The following ACADM variants were observed in gnomAD, a reference collection of about 807,000 sequenced individuals.
The protein encoded by ACADM is medium-chain specific acyl-CoA dehydrogenase, mitochondrial.
Under a neutral mutation model 58.9 loss-of-function variants are expected in ACADM, and 49 were observed. The observed-to-expected ratio is 0.83, with a 90% CI of 0.66 to 1.06. The LOEUF (loss-of-function observed/expected upper bound fraction) is 1.06. Among genes scored for constraint, ACADM ranks in the 50% least tolerant of loss-of-function variants. The pLI is 0.00. For synonymous variants in ACADM, 160 were observed against 157.7 expected (o/e 1.01, Z -0.11); for missense variants, 496 against 507.0 (o/e 0.98, Z 0.21).
At chr1:75,732,205 G>A (rs1011044923) in intron 2 of ACADM, among the ~76,000 whole-genome samples, 6 of 151,832 alleles carry the variant, frequency 4.0e-5, no homozygotes, top group African/African-American at 1.5e-4. Flanking sequence ...TTTGAAATAA[G>A]TTTTATTGCT....
chr1:75,731,260 CAG>C (rs1647144088), intron 2 of ACADM, among the ~76,000 whole-genome samples: 1 of 109,820 alleles, frequency 9.1e-6, no homozygotes, highest in Non-Finnish European at 1.7e-5. Context: ...GTCTGGGCGA[CAG>C]AGCGAGACTC....
At chr1:75,727,585 A>G (rs1647075728) in intron 1 of ACADM, among the ~76,000 whole-genome samples, 1 of 141,874 alleles carries the variant, frequency 7.0e-6, no homozygotes, top group Non-Finnish European at 1.6e-5. Flanking sequence ...AAACAATAAT[A>G]TATGTATATT....
intron 2 of ACADM, among the ~76,000 whole-genome samples, chr1:75,729,292 TTTC>T (rs1647106408): frequency 1.9e-5 from 2 of 106,660 alleles, no homozygotes; most frequent in Admixed American, 1.0e-4. Flanking sequence ...TTCTTTCTTT[TTTC>T]TTTTTTTTTT....
In ACADM at chr1:75,726,800, C is replaced by CTTT. The variant is rs748703972; in HGVS notation, c.31-1581_31-1579dup. Among the ~76,000 whole-genome samples the CTTT allele has an allele frequency of 1.1e-3, 128 of 119,834 alleles. 1 individual carries two copies. Among genetic ancestry groups the CTTT allele is most frequent in the African/African-American group, 3.4e-3 (106 of 31,506 alleles). 78.6% of individuals were successfully genotyped at this position (119,834 alleles called of 152,430 possible). On this transcript the variant is annotated intron_variant, in intron 1 of 11. Transcript: ENST00000370841. Reference sequence around the variant, plus strand: ...AATAAGCACCAGAGAAACTGTTTCACTTTTTTTTTTTTTTTTTTTTTTGAG... The same window carrying CTTT: ...AATAAGCACCAGAGAAACTGTTTCACTTTTTTTTTTTTTTTTTTTTTTTTTGAG...
At chr1:75,760,149 G>A (rs909746629) in intron 10 of ACADM, among the ~76,000 whole-genome samples, 14 of 151,092 alleles carry the variant, frequency 9.3e-5, no homozygotes, top group Non-Finnish European at 1.8e-4. Flanking sequence ...GGCCGAGTGC[G>A]GTGGCTCACA....
intron 7 of ACADM, chr1:75,743,416 T>G: frequency 4.3e-6 from 7 of 1,609,574 alleles, no homozygotes; most frequent in Non-Finnish European, 4.2e-6. Flanking sequence ...TGTGGGTTCC[T>G]CCTAAAGATC....
intron 10 of ACADM, among the ~76,000 whole-genome samples, chr1:75,753,112 C>CT (rs1200827731): frequency 1.3e-5 from 2 of 152,064 alleles, no homozygotes; most frequent in Admixed American, 6.6e-5. Flanking sequence ...TTTTCTTGTT[C>CT]TTTTTTTAAC....
intron 8 of ACADM, among the ~76,000 whole-genome samples, chr1:75,746,233 C>T (rs1647892569): frequency 6.6e-6 from 1 of 152,176 alleles, no homozygotes; most frequent in Admixed American, 6.5e-5. Flanking sequence ...GGGACTTTCC[C>T]ACTCTTTTCC....
chr1:75,749,708 CTTTCTTT>C, intron 9 of ACADM, 149 bp downstream of exon 9: 7 of 466,656 alleles, frequency 1.5e-5, no homozygotes, highest in Admixed American at 8.7e-5. Flanking sequence ...TGTTACTTTT[CTTTCTTT>C]TTTTTTTTTT....
intron 5 of ACADM, among the ~76,000 whole-genome samples, chr1:75,734,113 G>A (rs1250647015): frequency 1.3e-5 from 2 of 151,290 alleles, no homozygotes; most frequent in African/African-American, 4.9e-5. Context: ...AGCCTCCTGA[G>A]TAGCTGGGAT....
At chr1:75,741,124 G>C (rs897578403) in intron 7 of ACADM, among the ~76,000 whole-genome samples, 2 of 152,174 alleles carry the variant, frequency 1.3e-5, no homozygotes, top group Non-Finnish European at 2.9e-5. Flanking sequence ...CAAGTATATA[G>C]AGAGTTTCTA....
chr1:75,750,332 G>GT lies in ACADM; in HGVS notation c.850-116dup. The GT allele has an allele frequency of 4.8e-6, 4 of 835,378 alleles. No homozygotes were observed. The South Asian group carries it at 5.9e-5, about 12-fold the overall frequency. 51.7% of individuals were successfully genotyped at this position (835,378 alleles called of 1,614,324 possible). A position where few individuals can be genotyped will look rare whatever the true frequency, so the allele number is the denominator to read the frequency against. ...CGTGCCTATTCCCTGTTCCCCACCA[G>GT]TTTCTTGTTGCTGTACATCACCTTC... On this transcript the variant is annotated intron_variant, in intron 9 of 11. Transcript: ENST00000370841.
intron 7 of ACADM, chr1:75,743,308 G>C (rs184021327): frequency 8.1e-7 from 1 of 1,232,122 alleles, no homozygotes; most frequent in Non-Finnish European, 1.1e-6. Flanking sequence ...CCTTGCTTGA[G>C]GCCAACAGCA....
chr1:75,761,651 C>G, intron 11 of ACADM: 1 of 390,510 alleles, frequency 2.6e-6, no homozygotes, highest in South Asian at 3.1e-5. Context: ...TAATTGTAAC[C>G]CAAACTTTTC....
In ACADM at chr1:75,742,761, CT is replaced by C. The variant is rs561015373; in HGVS notation, c.599+2652del. 2.7e-3 allele frequency among the ~76,000 whole-genome samples: 406 copies of C among 152,264 alleles called. 1 individual carries two copies. Among genetic ancestry groups the C allele is most frequent in the Admixed American group, 4.6e-3 (71 of 15,296 alleles). On this transcript the variant is annotated intron_variant, in intron 7 of 11. Coordinates refer to ENST00000370841, the MANE Select transcript of ACADM (RefSeq NM_000016.6). ...GTGAGGGCAGACCTGGGCTCTCCTT[CT>C]ATGATGATTACAACACGTGACCTCA...
At chr1:75,756,061 T>G (rs1570901851) in intron 10 of ACADM, among the ~76,000 whole-genome samples, 1 of 152,206 alleles carries the variant, frequency 6.6e-6, no homozygotes, top group Non-Finnish European at 1.5e-5. Flanking sequence ...ATTGATGGAA[T>G]GTATCTCAAA....
intron 7 of ACADM, chr1:75,744,556 T>G: frequency 6.7e-7 from 1 of 1,484,586 alleles, no homozygotes; most frequent in South Asian, 1.1e-5. Flanking sequence ...CGCTGGGGTT[T>G]TGACTGTAAC....
Position 75,762,733 on chromosome 1 carries a change from C to A in ACADM, c.1236C>A (p.Ala412=), listed in dbSNP as rs768196097. The A allele has an allele frequency of 6.2e-7, 1 of 1,607,420 alleles. No homozygotes were observed. Among genetic ancestry groups the A allele is most frequent in the Non-Finnish European group, 8.5e-7 (1 of 1,174,652 alleles). Residue 412 remains alanine (A), a synonymous_variant, in exon 12 of 12, where the codon GCC becomes GCA. Transcript: ENST00000370841. ...GTSQIQRLIV[A]REHIDKYKN Reference sequence around the variant, plus strand: ...CACAAATTCAAAGACTTATTGTAGCCCGTGAACACATTGACAAGTACAAAA... The same window carrying A: ...CACAAATTCAAAGACTTATTGTAGCACGTGAACACATTGACAAGTACAAAA...
intron 10 of ACADM, among the ~76,000 whole-genome samples, chr1:75,753,742 T>C (rs1239180262): frequency 6.6e-6 from 1 of 151,456 alleles, no homozygotes; most frequent in African/African-American, 2.4e-5. Flanking sequence ...ATCATTTGAT[T>C]TCTACTGAAG....
Sources: allele counts gnomAD v4.1 joint callset (sites outside exome capture counted in the v4.1 genomes callset), GRCh38; gene constraint gnomAD v4.1.1; transcripts MANE v1.5; gene names NCBI Gene and HGNC (gene_info 2026-07-23, HGNC 2026-07-21).